TLN2: variants seen among roughly 807,000 people sequenced by gnomAD.
The protein encoded by TLN2 is talin 2.
Under a neutral mutation model 294.7 loss-of-function variants are expected in TLN2, and 118 were observed. The ratio of observed to expected loss-of-function variants is 0.40; its 90% CI spans 0.34 to 0.47. TLN2 has a LOEUF of 0.47. TLN2 is among the 20% of genes least tolerant of loss of function. The pLI, the probability that TLN2 is intolerant of heterozygous loss-of-function variation, is 0.84. For missense variants in TLN2, 3,083 were observed against 3,282.2 expected (o/e 0.94, Z 1.48); for synonymous variants, 1,431 against 1,304.5 (o/e 1.10, Z -2.09).
chr15:62,786,273 G>A (rs1194549374), intron 45 of TLN2, among the ~76,000 whole-genome samples: 3 of 152,208 alleles, frequency 2.0e-5, no homozygotes, highest in Admixed American at 6.5e-5. Context: ...GAAATAAGGA[G>A]CTGCTCCCTT....
rs71125998 is a variant in TLN2, at chr15:62,411,429, A to ATGTGTGTGTGTGTGTG, written c.-238+20776_-238+20791dup. Among the ~76,000 whole-genome samples, 47 of 136,684 alleles carry ATGTGTGTGTGTGTGTG rather than the reference A, an allele frequency of 3.4e-4. 1 individual carries two copies. The highest frequency in any genetic ancestry group is 1.9e-3 in the East Asian group (9 of 4,728). The allele number at this position is 136,684 out of a possible 152,430, so 89.7% of individuals were successfully genotyped here. A position where few individuals can be genotyped will look rare whatever the true frequency, so the allele number is the denominator to read the frequency against. On this transcript the variant is annotated intron_variant, in intron 1 of 58. Transcript: ENST00000636159. ...CCTCCTTAGAGAGTGTGAGTAATGG[A>ATGTGTGTGTGTGTGTG]TGTGTGTGTGTGTGTGTGTGTGTGT...
chr15:62,679,753 T>C (rs1383366113), intron 11 of TLN2, among the ~76,000 whole-genome samples: 2 of 152,240 alleles, frequency 1.3e-5, no homozygotes, highest in Non-Finnish European at 2.9e-5. Flanking sequence ...CCTCCAATGC[T>C]AACAATGGTA....
chr15:62,468,778 TAA>T (rs10551431), intron 1 of TLN2, among the ~76,000 whole-genome samples: 133,256 of 149,564 alleles, frequency 0.89, 60,488 homozygotes, highest in East Asian at 1. Context: ...AATACAAAAA[TAA>T]AAAAAAAAAT....
At chr15:62,621,644 T>C (rs557496509) in intron 3 of TLN2, among the ~76,000 whole-genome samples, 10 of 152,332 alleles carry the variant, frequency 6.6e-5, no homozygotes, top group Non-Finnish European at 1.0e-4. Flanking sequence ...GTTTGAGAAA[T>C]GTTACTGAGC....
chr15:62,456,425 G>A (rs1225319554), intron 1 of TLN2, among the ~76,000 whole-genome samples: 1 of 152,206 alleles, frequency 6.6e-6, no homozygotes, highest in Non-Finnish European at 1.5e-5. Flanking sequence ...ATGCAGGGCT[G>A]GACCTGAGGG....
At chr15:62,644,530 T>C (rs1214750733) in intron 3 of TLN2, 2 of 455,964 alleles carry the variant, frequency 4.4e-6, no homozygotes, top group African/African-American at 4.0e-5. Flanking sequence ...CAAATCTTTG[T>C]CCCCAGCAGC....
intron 1 of TLN2, among the ~76,000 whole-genome samples, chr15:62,580,900 T>A (rs2044924673): frequency 6.6e-6 from 1 of 151,430 alleles, no homozygotes; most frequent in Non-Finnish European, 1.5e-5. Context: ...TTTTTCTTTT[T>A]GAGACAGAGT....
intron 1 of TLN2, among the ~76,000 whole-genome samples, chr15:62,484,405 C>T (rs567942828): frequency 3.3e-5 from 5 of 152,162 alleles, no homozygotes; most frequent in Admixed American, 6.5e-5. Flanking sequence ...TTCAGAGATC[C>T]GCTGGTCCAA....
At chr15:62,691,934 A>G (rs904353091) in intron 12 of TLN2, among the ~76,000 whole-genome samples, 6 of 152,136 alleles carry the variant, frequency 3.9e-5, no homozygotes, top group African/African-American at 1.2e-4. Flanking sequence ...TCAACCTCCC[A>G]AAGTGGTGGG....
chr15:62,630,032 G>T (rs2140883706), intron 3 of TLN2, among the ~76,000 whole-genome samples: 1 of 152,026 alleles, frequency 6.6e-6, no homozygotes, highest in Non-Finnish European at 1.5e-5. Flanking sequence ...TCTTTGGTGG[G>T]GTTATTTTCA....
At chr15:62,517,504 G>A (rs1414500277) in intron 1 of TLN2, among the ~76,000 whole-genome samples, 1 of 152,214 alleles carries the variant, frequency 6.6e-6, no homozygotes, top group Non-Finnish European at 1.5e-5. Flanking sequence ...TTGCCGAGCA[G>A]TGGAGAAAAA....
chr15:62,603,133 C>T (rs2047140769), intron 2 of TLN2, among the ~76,000 whole-genome samples: 4 of 152,092 alleles, frequency 2.6e-5, no homozygotes, highest in Admixed American at 2.6e-4. Context: ...ACTTCATGAT[C>T]CACCTGCCTC....
chr15:62,581,097 T>C (rs111840251), intron 1 of TLN2, among the ~76,000 whole-genome samples: 4 of 152,054 alleles, frequency 2.6e-5, no homozygotes, highest in Non-Finnish European at 2.9e-5. Flanking sequence ...TTGGCCCGGA[T>C]GGTCTCCTAA....
chr15:62,463,967 C>T (rs1395780078), intron 1 of TLN2, among the ~76,000 whole-genome samples: 1 of 152,174 alleles, frequency 6.6e-6, no homozygotes, highest in Non-Finnish European at 1.5e-5. Context: ...AATGTTTTTA[C>T]ACTGTTGGTG....
At chr15:62,415,182 A>T (rs1275897573) in intron 1 of TLN2, among the ~76,000 whole-genome samples, 1 of 141,654 alleles carries the variant, frequency 7.1e-6, no homozygotes, top group Non-Finnish European at 1.5e-5. Flanking sequence ...GTGCTGGATT[A>T]CAGGCGTGAG....
At chr15:62,800,590 A>G (rs2141143506) in intron 49 of TLN2, 63 bp from the exon 50 acceptor site, 1 of 1,609,904 alleles carries the variant, frequency 6.2e-7, no homozygotes, top group East Asian at 2.2e-5. Context: ...TCCAGAAGTA[A>G]AAGGAGTAGG....
chr15:62,610,684 C>T (rs561711559), intron 2 of TLN2, among the ~76,000 whole-genome samples: 1 of 152,272 alleles, frequency 6.6e-6, no homozygotes, highest in African/African-American at 2.4e-5. Flanking sequence ...TGGGTGACCT[C>T]AGCTGGGAAC....
chr15:62,490,166 G>A (rs2038631863), intron 1 of TLN2, among the ~76,000 whole-genome samples: 2 of 152,146 alleles, frequency 1.3e-5, no homozygotes, highest in Admixed American at 1.3e-4. Context: ...ACTATTATAA[G>A]CATTGTTTTG....
At chr15:62,431,656 T>C (rs2035017827) in intron 1 of TLN2, among the ~76,000 whole-genome samples, 1 of 152,218 alleles carries the variant, frequency 6.6e-6, no homozygotes, top group African/African-American at 2.4e-5. Flanking sequence ...AAAGAATCTT[T>C]ATAGCTCAGC....
Sources: allele counts gnomAD v4.1 joint callset (sites outside exome capture counted in the v4.1 genomes callset), GRCh38; gene constraint gnomAD v4.1.1; transcripts MANE v1.5; gene names NCBI Gene and HGNC (gene_info 2026-07-23, HGNC 2026-07-21).